The following BFSP2 variants were observed in gnomAD, a reference collection of about 807,000 sequenced individuals.
BFSP2 encodes beaded filament structural protein 2, also known as phakinin.
In BFSP2, 38 loss-of-function variants were observed where a neutral mutation model predicts 44.9. The ratio of observed to expected loss-of-function variants is 0.85; its 90% CI spans 0.65 to 1.11. BFSP2 has a LOEUF of 1.11. Among genes scored for constraint, BFSP2 ranks in the 50% least tolerant of loss-of-function variants. BFSP2 has a pLI of 0.00. For synonymous variants in BFSP2, 197 were observed against 209.9 expected (o/e 0.94, Z 0.53); for missense variants, 525 against 533.0 (o/e 0.99, Z 0.15).
chr3:133,431,762 G>A (rs2073722350), intron 1 of BFSP2, among the ~76,000 whole-genome samples: 1 of 152,012 alleles, frequency 6.6e-6, no homozygotes, highest in South Asian at 2.1e-4. Flanking sequence ...CATAACTGTT[G>A]TGGGTATTGA....
intron 1 of BFSP2, among the ~76,000 whole-genome samples, chr3:133,408,527 A>G (rs775802092): frequency 1.3e-5 from 2 of 152,250 alleles, no homozygotes; most frequent in Non-Finnish European, 2.9e-5. Flanking sequence ...CACACTCCCA[A>G]TGACACACTG....
chr3:133,459,288 G>A (rs2074041111), intron 4 of BFSP2, among the ~76,000 whole-genome samples: 2 of 152,154 alleles, frequency 1.3e-5, no homozygotes, highest in African/African-American at 4.8e-5. Flanking sequence ...AGGCTGCAGT[G>A]AGCTATGATC....
chr3:133,410,718 G>T, intron 1 of BFSP2: 1 of 250,810 alleles, frequency 4.0e-6, no homozygotes, highest in Non-Finnish European at 8.3e-6. Context: ...GGAGTCTGTG[G>T]AACCAGAGCT....
intron 4 of BFSP2, 28 bp from the exon 5 acceptor site, chr3:133,466,800 G>A (rs200572731): frequency 3.5e-5 from 55 of 1,573,232 alleles, no homozygotes; most frequent in African/African-American, 8.2e-5. Flanking sequence ...GATCATCACC[G>A]CTCACACTGA....
At chr3:133,407,411 T>G (rs1401578081) in intron 1 of BFSP2, among the ~76,000 whole-genome samples, 1 of 152,200 alleles carries the variant, frequency 6.6e-6, no homozygotes, top group Non-Finnish European at 1.5e-5. Flanking sequence ...TGCACTCAAA[T>G]AGACTCAATA....
rs754844945 is a variant in BFSP2, at chr3:133,400,350, G to A, written c.267G>A (p.Arg89=). The A allele has an allele frequency of 3.7e-6, 6 of 1,614,084 alleles. No individual in the cohort carries two copies. The South Asian group carries it at 6.6e-5, about 18-fold the overall frequency. ...GISSVFLQGL[R]SSGLATVPAP... Reference sequence around the variant, plus strand: ...GCAGTGTCTTCCTTCAGGGCCTGCGGAGCTCAGGCCTGGCCACCGTGCCGG... The same window carrying A: ...GCAGTGTCTTCCTTCAGGGCCTGCGAAGCTCAGGCCTGGCCACCGTGCCGG... The change falls in exon 1 of 7, where the codon CGG becomes CGA. Residue 89 remains arginine (R), a synonymous_variant. Coordinates refer to ENST00000302334, the MANE Select transcript of BFSP2 (RefSeq NM_003571.4). The surrounding 1 kb of genome is among the most constrained non-coding windows in gnomAD (Gnocchi z 4.0).
At chr3:133,463,199 C>T (rs2074079773) in intron 4 of BFSP2, among the ~76,000 whole-genome samples, 1 of 152,124 alleles carries the variant, frequency 6.6e-6, no homozygotes, top group Non-Finnish European at 1.5e-5. Context: ...ATCTCAGCTA[C>T]TCGGGAGGCT....
intron 1 of BFSP2, among the ~76,000 whole-genome samples, chr3:133,440,905 A>G (rs2073838711): frequency 6.6e-6 from 1 of 152,064 alleles, no homozygotes; most frequent in African/African-American, 2.4e-5. Flanking sequence ...ATCCAACCTT[A>G]GCCCTCAGAT....
rs747035556 is a variant in BFSP2 at position 133,400,203 on chromosome 3, A to T, written c.120A>T (p.Pro40=). ...PRSSSSLESP[P]ASRTNAMSGL... The stretch of plus-strand genomic sequence containing the variant: ...CATCATCCTCCCTGGAGAGCCCCCC[A>T]GCCTCCAGGACCAATGCCATGAGTG... The change falls in exon 1 of 7, where the codon CCA becomes CCT. Residue 40 remains proline (P), a synonymous_variant. Coordinates refer to ENST00000302334, the MANE Select transcript of BFSP2 (RefSeq NM_003571.4). This position sits in a 1 kb window ranked among gnomAD's most constrained non-coding sequence, Gnocchi z 4.0. The T allele has an allele frequency of 6.2e-7, 1 of 1,614,078 alleles. No individual in the cohort carries two copies. The highest frequency in any genetic ancestry group is 1.1e-5 in the South Asian group (1 of 91,088).
At chr3:133,458,781 C>T (rs1040710146) in intron 4 of BFSP2, among the ~76,000 whole-genome samples, 9 of 152,270 alleles carry the variant, frequency 5.9e-5, no homozygotes, top group Non-Finnish European at 1.3e-4. Flanking sequence ...TGTTTAAACT[C>T]ACAACTGGTT....
In BFSP2 at chr3:133,401,361, A is replaced by T. The variant is rs553997431; in HGVS notation, c.489+789A>T. The stretch of plus-strand genomic sequence containing the variant: ...CATATATGGCTATCAAGCACTTGAA[A>T]TGTGGCTAATGAGACTGAGGAATTG... On this transcript the variant is annotated intron_variant, in intron 1 of 6. Transcript: ENST00000302334. 3.3e-5 allele frequency among the ~76,000 whole-genome samples: 5 copies of T among 152,362 alleles called. No individual in the cohort carries two copies. The South Asian group carries it at 1.0e-3, about 32-fold the overall frequency.
At chr3:133,448,444 C>T (rs1193797126) in intron 2 of BFSP2, 45 bp from the exon 3 acceptor site, 2 of 1,609,410 alleles carry the variant, frequency 1.2e-6, no homozygotes, top group Non-Finnish European at 1.7e-6. Context: ...GATTCTTTTT[C>T]TTTTGGGCTA....
At chr3:133,413,950 C>G (rs2073479754) in intron 1 of BFSP2, among the ~76,000 whole-genome samples, 1 of 151,742 alleles carries the variant, frequency 6.6e-6, no homozygotes, top group Non-Finnish European at 1.5e-5. Flanking sequence ...ACAAAGTCCC[C>G]TGCTGAATGT....
intron 1 of BFSP2, among the ~76,000 whole-genome samples, chr3:133,407,884 T>C (rs969903598): frequency 6.6e-6 from 1 of 152,142 alleles, no homozygotes; most frequent in African/African-American, 2.4e-5. Flanking sequence ...CAGTTCTAAA[T>C]GTATCCTAGA....
In BFSP2 at chr3:133,472,585, C is replaced by A; in HGVS notation, c.1244+20C>A. 6.2e-7 allele frequency: 1 copy of A among 1,606,850 alleles called. No homozygotes were observed. The highest frequency in any genetic ancestry group is 8.5e-7 in the Non-Finnish European group (1 of 1,177,278). On this transcript the variant is annotated intron_variant, in intron 6 of 6. Coordinates refer to ENST00000302334, the MANE Select transcript of BFSP2 (RefSeq NM_003571.4). ...GAGCGGGTAAGCCTCGCTTCCGCGTCAATTATCCAAGAGATGCATATTCAT... is the reference window on the plus strand; with the variant it reads ...GAGCGGGTAAGCCTCGCTTCCGCGTAAATTATCCAAGAGATGCATATTCAT...
rs2073947151 is a variant in BFSP2, at chr3:133,450,067, GGAAA to G, written c.730-234_730-231del. 4.2e-5 allele frequency among the ~76,000 whole-genome samples: 6 copies of G among 142,152 alleles called. No individual in the cohort carries two copies. The Admixed American group carries it at 4.3e-4, about 10-fold the overall frequency. 93.3% of individuals were successfully genotyped at this position (142,152 alleles called of 152,430 possible). ...GGGAGGAAGAAAGAAAGAGAGAGAA[GGAAA>G]GGAAGGAAGGAAGGAAGGGAGGGAG... On this transcript the variant is annotated intron_variant, in intron 3 of 6. Coordinates refer to ENST00000302334, the MANE Select transcript of BFSP2 (RefSeq NM_003571.4).
intron 1 of BFSP2, among the ~76,000 whole-genome samples, chr3:133,424,649 T>C (rs983517100): frequency 2.6e-5 from 4 of 152,004 alleles, no homozygotes; most frequent in Admixed American, 6.6e-5. Flanking sequence ...GTTGTTATTG[T>C]TTTTGAGACA....
intron 4 of BFSP2, among the ~76,000 whole-genome samples, chr3:133,459,476 C>T (rs2074042594): frequency 6.6e-6 from 1 of 152,196 alleles, no homozygotes; most frequent in Non-Finnish European, 1.5e-5. Flanking sequence ...CCATTTACTC[C>T]TCTGTGTTTT....
At chr3:133,442,768 G>A (rs2073857467) in intron 1 of BFSP2, among the ~76,000 whole-genome samples, 2 of 152,096 alleles carry the variant, frequency 1.3e-5, no homozygotes, top group South Asian at 4.1e-4. Context: ...TGATCCCTTG[G>A]TTTCCGGGTA....
Sources: allele counts gnomAD v4.1 joint callset (sites outside exome capture counted in the v4.1 genomes callset), GRCh38; gene constraint gnomAD v4.1.1; non-coding constraint Gnocchi (gnomAD v3.1); transcripts MANE v1.5; gene names NCBI Gene and HGNC (gene_info 2026-07-23, HGNC 2026-07-21).